The following PCDH15 variants were observed in gnomAD, a reference collection of about 807,000 sequenced individuals.
PCDH15 encodes the protein protocadherin related 15, also known as protocadherin-15.
PCDH15 carries 129 observed loss-of-function variants against 178.5 expected under a neutral mutation model. That is an observed-to-expected ratio of 0.72 (90% confidence interval 0.63 to 0.84). The LOEUF (loss-of-function observed/expected upper bound fraction) is 0.84, where lower values mean the gene tolerates loss of function less well. Ranked by LOEUF, PCDH15 falls within the 40% of genes least tolerant of loss-of-function variation. PCDH15 has a pLI of 0.00. For synonymous variants in PCDH15, 800 were observed against 732.0 expected, an observed-to-expected ratio of 1.09 and a Z score of -1.50; for missense variants, 2,230 against 2,099.9, an observed-to-expected ratio of 1.06 and a Z score of -1.21.
At chr10:54,715,205 T>C (rs1277451287) in intron 1 of PCDH15, among the ~76,000 whole-genome samples, 2 of 152,170 alleles carry the variant, frequency 1.3e-5, no homozygotes, top group African/African-American at 4.8e-5. Flanking sequence ...ACTGACTATA[T>C]AGAAATTATT....
chr10:54,518,251 CA>C (rs1163971271), intron 3 of PCDH15, among the ~76,000 whole-genome samples: 3 of 151,866 alleles, frequency 2.0e-5, no homozygotes, highest in Non-Finnish European at 4.4e-5. Context: ...AAAAACCCTT[CA>C]AAAAATTGAT....
chr10:54,455,743 C>T (rs979520855), intron 3 of PCDH15, among the ~76,000 whole-genome samples: 1 of 152,070 alleles, frequency 6.6e-6, no homozygotes, highest in Admixed American at 6.5e-5. Flanking sequence ...TCACAATAGC[C>T]CCTCCCATCA....
chr10:55,218,351 G>A (rs1191829666), intron 1 of PCDH15, among the ~76,000 whole-genome samples: 1 of 151,906 alleles, frequency 6.6e-6, no homozygotes, highest in Non-Finnish European at 1.5e-5. Flanking sequence ...GAAATAATAG[G>A]AAGCAGATGA....
chr10:55,549,469 T>A (rs929219394), intron 2 of PCDH15, among the ~76,000 whole-genome samples: 1 of 152,152 alleles, frequency 6.6e-6, no homozygotes, highest in Non-Finnish European at 1.5e-5. Flanking sequence ...AGGCTCTGTG[T>A]CAGCATTATG....
intron 3 of PCDH15, among the ~76,000 whole-genome samples, chr10:54,875,583 A>G (rs569078261): frequency 5.2e-4 from 79 of 152,328 alleles, no homozygotes; most frequent in African/African-American, 1.9e-3. Context: ...TACTCTAGTA[A>G]ACACATAAAT....
chr10:55,199,214 T>C (rs1444543758), intron 1 of PCDH15, among the ~76,000 whole-genome samples: 1 of 152,054 alleles, frequency 6.6e-6, no homozygotes, highest in African/African-American at 2.4e-5. Flanking sequence ...ATATGGACAA[T>C]AAAGTCCAGG....
chr10:54,484,907 CCACT>C (rs1490478484), intron 3 of PCDH15, among the ~76,000 whole-genome samples: 3 of 151,700 alleles, frequency 2.0e-5, no homozygotes, highest in Non-Finnish European at 4.4e-5. Context: ...CTGAATGTGA[CCACT>C]CAAATAATAT....
At chr10:55,027,326 A>T (rs1840499202) in intron 2 of PCDH15, among the ~76,000 whole-genome samples, 2 of 151,838 alleles carry the variant, frequency 1.3e-5, no homozygotes, top group Non-Finnish European at 3.0e-5. Context: ...CTCAGAAGGG[A>T]GTAAATGAGA....
At chr10:55,206,411 C>T (rs866192700) in intron 1 of PCDH15, among the ~76,000 whole-genome samples, 20 of 152,194 alleles carry the variant, frequency 1.3e-4, no homozygotes, top group Middle Eastern at 6.8e-3. Flanking sequence ...ACTCCACAGA[C>T]ACTGATGGCA....
intron 21 of PCDH15, among the ~76,000 whole-genome samples, chr10:53,986,203 G>A (rs2091090113): frequency 6.6e-6 from 1 of 151,906 alleles, no homozygotes; most frequent in Non-Finnish European, 1.5e-5. Flanking sequence ...ACATACAAAT[G>A]GCCAACAGTA....
At chr10:54,119,653 G>A (rs528691886) in intron 15 of PCDH15, among the ~76,000 whole-genome samples, 3 of 152,176 alleles carry the variant, frequency 2.0e-5, no homozygotes, top group Admixed American at 2.0e-4. Flanking sequence ...GAGAACATCT[G>A]TGAGATACTA....
At chr10:54,109,047 C>T (rs2094966730) in intron 15 of PCDH15, among the ~76,000 whole-genome samples, 1 of 152,188 alleles carries the variant, frequency 6.6e-6, no homozygotes, top group Non-Finnish European at 1.5e-5. Flanking sequence ...ATTTATGAGA[C>T]TTGCTGGCTT....
At chr10:55,185,230 T>C (rs745638059) in intron 1 of PCDH15, among the ~76,000 whole-genome samples, 2 of 151,852 alleles carry the variant, frequency 1.3e-5, no homozygotes, top group Non-Finnish European at 2.9e-5. Flanking sequence ...CACCAAAGAT[T>C]TGAGACAAAA....
intron 11 of PCDH15, among the ~76,000 whole-genome samples, chr10:54,194,422 T>C (rs1418653470): frequency 1.3e-5 from 2 of 152,170 alleles, no homozygotes; most frequent in Admixed American, 1.3e-4. Context: ...GGCTACTATG[T>C]TGGACAGTAC....
intron 21 of PCDH15, among the ~76,000 whole-genome samples, chr10:53,991,189 G>A (rs1489721394): frequency 6.6e-6 from 1 of 152,170 alleles, no homozygotes; most frequent in Non-Finnish European, 1.5e-5. Context: ...AAGGGCTGAG[G>A]AGAGCGGGCG....
intron 2 of PCDH15, among the ~76,000 whole-genome samples, chr10:55,491,395 T>A (rs1840412925): frequency 6.6e-6 from 1 of 151,834 alleles, no homozygotes; most frequent in East Asian, 2.0e-4. Context: ...AGTCACAGCA[T>A]GCTGAGAATA....
rs2082392617 is a variant in PCDH15, at chr10:54,517,854, A to G, written c.157+9958T>C. ...GATGTAAAAGAACAGAAATTATAAC[A>G]AATTGTCTCTCAGACCACAGTGCAA... On this transcript the variant is annotated intron_variant, in intron 3 of 37. Transcript: ENST00000644397. Among the ~76,000 whole-genome samples the G allele has an allele frequency of 2.0e-5, 3 of 152,222 alleles. No individual in the cohort carries two copies. In the South Asian group the frequency reaches 6.2e-4, roughly 31 times the overall value.
At chr10:55,611,665 A>G (rs1843368204) in intron 2 of PCDH15, among the ~76,000 whole-genome samples, 1 of 152,098 alleles carries the variant, frequency 6.6e-6, no homozygotes. Flanking sequence ...GTATACTCAA[A>G]TGAGTTAAAA....
chr10:55,614,397 A>C (rs1843434611), intron 2 of PCDH15, among the ~76,000 whole-genome samples: 1 of 152,196 alleles, frequency 6.6e-6, no homozygotes, highest in Non-Finnish European at 1.5e-5. Flanking sequence ...TGAAACATAA[A>C]AAGTTCTATC....
Sources: gnomAD v4.1 joint callset for allele counts (sites outside exome capture counted in the v4.1 genomes callset) on GRCh38, gnomAD v4.1.1 for gene constraint, MANE v1.5 for transcripts, NCBI Gene and HGNC (gene_info 2026-07-23, HGNC 2026-07-21) for gene names.